The following TBXAS1 variants were observed in gnomAD, a reference collection of about 807,000 sequenced individuals.
The protein encoded by TBXAS1 is thromboxane A synthase 1, also known as thromboxane-A synthase.
Under a neutral mutation model 60.7 loss-of-function variants are expected in TBXAS1, and 48 were observed. The observed-to-expected ratio is 0.79, with a 90% CI of 0.63 to 1.01. The LOEUF (loss-of-function observed/expected upper bound fraction) is 1.01, where lower values mean the gene tolerates loss of function less well. Among genes scored for constraint, TBXAS1 ranks in the 50% least tolerant of loss-of-function variants. The pLI is 0.00. For missense variants in TBXAS1, 685 were observed against 686.3 expected (o/e 1.00, Z 0.02); for synonymous variants, 287 against 269.7 (o/e 1.06, Z -0.63).
In TBXAS1 at chr7:139,890,024, T is replaced by G. The variant is rs369831701; in HGVS notation, c.236+14387T>G. On this transcript the variant is annotated intron_variant, in intron 3 of 12. Coordinates refer to ENST00000448866, the MANE Select transcript of TBXAS1 (RefSeq NM_001061.7). ...AATCCGGAATCTCCACCTCCCACCC[T>G]CCAACAATCGAATGGGGTGTTTCCC... Among the ~76,000 whole-genome samples the G allele has an allele frequency of 9.9e-5, 15 of 152,150 alleles. No individual in the cohort carries two copies. The East Asian group carries it at 2.9e-3, about 30-fold the overall frequency.
At chr7:139,822,540 T>C (rs960276822) in intron 4 of TBXAS1, among the ~76,000 whole-genome samples, 9 of 152,174 alleles carry the variant, frequency 5.9e-5, no homozygotes, top group African/African-American at 2.2e-4. Flanking sequence ...TCTTAATCTG[T>C]GGGGCCGCAA....
intron 1 of TBXAS1, among the ~76,000 whole-genome samples, chr7:139,860,223 C>T (rs947938732): frequency 6.6e-6 from 1 of 152,184 alleles, no homozygotes; most frequent in Non-Finnish European, 1.5e-5. Context: ...CTGCCCAAGG[C>T]AGAGGCTGGG....
intron 5 of TBXAS1, among the ~76,000 whole-genome samples, chr7:139,950,711 CGCCCTCCATCTACGGG>C (rs1448591703): frequency 1.4e-5 from 2 of 145,306 alleles, no homozygotes; most frequent in Admixed American, 1.4e-4. Context: ...GGGACCCCCT[CGCCCTCCATCTACGGG>C]ACCCCCTCGC....
intron 1 of TBXAS1, among the ~76,000 whole-genome samples, chr7:139,838,171 G>A (rs970009047): frequency 2.0e-5 from 3 of 151,998 alleles, no homozygotes; most frequent in South Asian, 2.1e-4. Context: ...TCAGAGCGAC[G>A]CTGTCTGGGT....
In TBXAS1 at chr7:140,012,346, G is replaced by C. The variant is rs117616152; in HGVS notation, c.1227-3377G>C. Among the ~76,000 whole-genome samples the C allele has an allele frequency of 8.3e-3, 1,271 of 152,322 alleles. 12 individuals carry two copies. Among genetic ancestry groups the C allele is most frequent in the Non-Finnish European group, 0.014 (936 of 68,020 alleles). On this transcript the variant is annotated intron_variant, in intron 10 of 12. Transcript: ENST00000448866. ...CTATAGTCACAAAAGTAGTTGGGAA[G>C]GGGGTGGGCTGAGAGGTGCAGGGAG...
intron 9 of TBXAS1, among the ~76,000 whole-genome samples, chr7:139,980,338 T>C (rs1348373569): frequency 6.6e-6 from 1 of 152,144 alleles, no homozygotes; most frequent in East Asian, 1.9e-4. Flanking sequence ...GCAAGGCGGG[T>C]TTCCCTAATG....
chr7:139,805,704 T>TTCTC (rs1369215559), intron 4 of TBXAS1, among the ~76,000 whole-genome samples: 1 of 32,864 alleles, frequency 3.0e-5, no homozygotes, highest in Non-Finnish European at 5.8e-5. Flanking sequence ...CTTTCTTTCT[T>TTCTC]TCTTTCTTTC....
At chr7:139,982,233 T>C (rs1311419536) in intron 9 of TBXAS1, among the ~76,000 whole-genome samples, 1 of 152,256 alleles carries the variant, frequency 6.6e-6, no homozygotes, top group Non-Finnish European at 1.5e-5. Flanking sequence ...TGAATGGTTA[T>C]ATTAATATTT....
At chr7:139,781,202 C>T (rs1484783103) in intron 2 of TBXAS1, among the ~76,000 whole-genome samples, 7 of 152,138 alleles carry the variant, frequency 4.6e-5, no homozygotes, top group South Asian at 2.1e-4. Context: ...TATGATATAA[C>T]GGAAAAATAT....
intron 3 of TBXAS1, among the ~76,000 whole-genome samples, chr7:139,893,367 C>CACACACACACACAG (rs59280781): frequency 6.6e-6 from 1 of 150,832 alleles, no homozygotes; most frequent in African/African-American, 2.5e-5. Context: ...CACACACACA[C>CACACACACACACAG]AGCTCCCTTC....
chr7:139,826,228 G>C (rs1198457220), upstream of TBXAS1, among the ~76,000 whole-genome samples: 1 of 152,148 alleles, frequency 6.6e-6, no homozygotes. Context: ...TGTTTTGTGA[G>C]AGAGAATGGG....
At position 139,916,194 on chromosome 7, in the gene TBXAS1, A is replaced by T. The variant is rs1246075633; in HGVS notation, c.333+4873A>T. ...GAGCTGAGTCCACATGACTCAGCAG[A>T]AATGGTCACAACCAGAGGCAGAACT... On this transcript the variant is annotated intron_variant, in intron 4 of 12. Coordinates refer to ENST00000448866, the MANE Select transcript of TBXAS1 (RefSeq NM_001061.7). This position sits in a 1 kb window ranked among gnomAD's most constrained non-coding sequence, Gnocchi z 4.2. 6.6e-6 allele frequency among the ~76,000 whole-genome samples: 1 copy of T among 152,210 alleles called. No homozygotes were observed. The highest frequency in any genetic ancestry group is 1.9e-4 in the East Asian group (1 of 5,204).
chr7:139,923,307 A>G (rs1340166910), intron 4 of TBXAS1, among the ~76,000 whole-genome samples: 1 of 152,102 alleles, frequency 6.6e-6, no homozygotes, highest in Non-Finnish European at 1.5e-5. Flanking sequence ...AGCTTGAGCA[A>G]CAGAGCGAGA....
At chr7:139,864,981 GA>G (rs888648718) in intron 1 of TBXAS1, among the ~76,000 whole-genome samples, 1 of 151,748 alleles carries the variant, frequency 6.6e-6, no homozygotes, top group African/African-American at 2.4e-5. Context: ...TTATTGCTTG[GA>G]AAAAAAATAC....
intron 3 of TBXAS1, among the ~76,000 whole-genome samples, chr7:139,908,093 C>G (rs1805247464): frequency 6.6e-6 from 1 of 151,550 alleles, no homozygotes; most frequent in Admixed American, 6.6e-5. Flanking sequence ...TTGATATTTT[C>G]CAAAGAACCA....
At chr7:139,957,220 A>C (rs540275018) in intron 7 of TBXAS1, among the ~76,000 whole-genome samples, 29 of 152,322 alleles carry the variant, frequency 1.9e-4, no homozygotes, top group African/African-American at 6.5e-4. Flanking sequence ...AGAAAATTCA[A>C]ATGACCAGAA....
At chr7:139,833,224 CAACT>C (rs1334713775) in intron 1 of TBXAS1, among the ~76,000 whole-genome samples, 9 of 152,132 alleles carry the variant, frequency 5.9e-5, no homozygotes, top group African/African-American at 1.9e-4. Flanking sequence ...ACTCACCAAC[CAACT>C]ATCTGCTGCC....
At chr7:139,892,526 G>C (rs1803705194) in intron 3 of TBXAS1, among the ~76,000 whole-genome samples, 1 of 152,170 alleles carries the variant, frequency 6.6e-6, no homozygotes, top group African/African-American at 2.4e-5. Flanking sequence ...CTGGGAGGCG[G>C]AGGTTGCAGT....
chr7:140,003,323 C>A (rs1283021541), intron 9 of TBXAS1, among the ~76,000 whole-genome samples: 1 of 152,040 alleles, frequency 6.6e-6, no homozygotes, highest in Admixed American at 6.6e-5. Context: ...CCTGCCTCAG[C>A]CTCCAGGGTG....
Sources: gnomAD v4.1 joint callset for allele counts (sites outside exome capture counted in the v4.1 genomes callset) on GRCh38, gnomAD v4.1.1 for gene constraint, Gnocchi (gnomAD v3.1) non-coding constraint, MANE v1.5 for transcripts, NCBI Gene and HGNC (gene_info 2026-07-23, HGNC 2026-07-21) for gene names.